Variants in ITGA1 observed in about 807,000 individuals in gnomAD.
ITGA1 encodes integrin subunit alpha 1.
Under a neutral mutation model 145.9 loss-of-function variants are expected in ITGA1, and 85 were observed. The ratio of observed to expected loss-of-function variants is 0.58; its 90% confidence interval spans 0.49 to 0.70. The LOEUF (loss-of-function observed/expected upper bound fraction) is 0.70, where lower values mean the gene tolerates loss of function less well. ITGA1 is among the 30% of genes least tolerant of loss of function. The pLI, the probability that ITGA1 is intolerant of heterozygous loss-of-function variation, is 0.00. For synonymous variants in ITGA1, 520 were observed against 495.3 expected, an observed-to-expected ratio of 1.05 and a Z score of -0.66; for missense variants, 1,351 against 1,418.7, an observed-to-expected ratio of 0.95 and a Z score of 0.77.
At position 52,801,776 on chromosome 5, in the gene ITGA1, T is replaced by G. The variant is rs763458425; in HGVS notation, c.61+13362T>G. 12 of 1,614,134 alleles carry G rather than the reference T, an allele frequency of 7.4e-6. No individual in the cohort carries two copies. The highest frequency in any genetic ancestry group is 3.3e-5 in the South Asian group (3 of 91,072). ...AGCCAGTTGACTGGGGTAGCTGCCATTCTCCGCTTCCCTGTTCCCGAACTT... is the reference window on the plus strand; with the variant it reads ...AGCCAGTTGACTGGGGTAGCTGCCAGTCTCCGCTTCCCTGTTCCCGAACTT... On this transcript the variant is annotated intron_variant, in intron 1 of 28. Transcript: ENST00000282588.
chr5:52,874,743 T>C (rs1749839002), intron 6 of ITGA1, among the ~76,000 whole-genome samples: 1 of 152,116 alleles, frequency 6.6e-6, no homozygotes. Flanking sequence ...ATCACTGAAA[T>C]GTTGTTCCTG....
chr5:52,896,883 ATACT>A (rs1486777304), intron 9 of ITGA1, among the ~76,000 whole-genome samples: 5 of 152,200 alleles, frequency 3.3e-5, no homozygotes, highest in Non-Finnish European at 7.3e-5. Context: ...TCTGTGAGTG[ATACT>A]TACCACCAGT....
At chr5:52,927,542 A>G in intron 19 of ITGA1, 42 bp from the exon 20 acceptor site, 1 of 1,370,798 alleles carries the variant, frequency 7.3e-7, no homozygotes, top group Non-Finnish European at 1.0e-6. Context: ...TCAATATTTC[A>G]CCTGCTTGTC....
rs1414952288 is a variant in ITGA1 at position 52,954,661 on chromosome 5, A to G, written c.*2210A>G. 6.6e-6 allele frequency: 1 copy of G among 152,132 alleles called. No homozygotes were observed. The highest frequency in any genetic ancestry group is 1.5e-5 in the Non-Finnish European group (1 of 68,004). 9.4% of individuals were successfully genotyped at this position (152,132 alleles called of 1,614,324 possible). On this transcript the variant is annotated 3_prime_UTR_variant, in exon 29 of 29. Coordinates refer to ENST00000282588, the MANE Select transcript of ITGA1 (RefSeq NM_181501.2). ...TGCATGTGCAGACACATGTACACAT[A>G]TAAATTGAATACAAAAATAGCTCTA...
chr5:52,947,588 G>T, intron 28 of ITGA1, 127 bp downstream of exon 28: 1 of 625,820 alleles, frequency 1.6e-6, no homozygotes, highest in Non-Finnish European at 2.8e-6. Context: ...TTGAAATGAT[G>T]ACTAAGGGAA....
chr5:52,875,466 C>T (rs928096235), intron 6 of ITGA1, among the ~76,000 whole-genome samples: 1 of 152,054 alleles, frequency 6.6e-6, no homozygotes, highest in African/African-American at 2.4e-5. Context: ...GTCTCTTTGG[C>T]CTTGGATTGT....
chr5:52,820,192 C>T (rs966921750), intron 1 of ITGA1, among the ~76,000 whole-genome samples: 1 of 151,740 alleles, frequency 6.6e-6, no homozygotes. Context: ...ACTATGCAGT[C>T]ATAAAAAATG....
intron 17 of ITGA1, among the ~76,000 whole-genome samples, chr5:52,922,504 G>C (rs1750746442): frequency 1.3e-5 from 2 of 152,134 alleles, no homozygotes; most frequent in South Asian, 4.1e-4. Flanking sequence ...ACACAGCCAA[G>C]TGTGATGTTG....
At chr5:52,844,405 A>G (rs1749303092) in intron 1 of ITGA1, among the ~76,000 whole-genome samples, 1 of 152,206 alleles carries the variant, frequency 6.6e-6, no homozygotes, top group Non-Finnish European at 1.5e-5. Context: ...GCTCATCCTC[A>G]TATCACTTTG....
At chr5:52,883,916 C>T (rs896216149) in intron 7 of ITGA1, among the ~76,000 whole-genome samples, 4 of 152,088 alleles carry the variant, frequency 2.6e-5, no homozygotes, top group African/African-American at 9.7e-5. Flanking sequence ...ATAAAGCCAG[C>T]CCTGAGTTTA....
chr5:52,934,658 A>C (rs1750939161), intron 23 of ITGA1, among the ~76,000 whole-genome samples: 1 of 151,970 alleles, frequency 6.6e-6, no homozygotes, highest in Admixed American at 6.6e-5. Context: ...CTAGTTACTG[A>C]CACAGACTCA....
chr5:52,888,193 G>A (rs1333668459), intron 8 of ITGA1, among the ~76,000 whole-genome samples: 4 of 151,798 alleles, frequency 2.6e-5, no homozygotes, highest in Non-Finnish European at 4.4e-5. Flanking sequence ...TGAAAGGAAG[G>A]AAGGAAGGAA....
intron 5 of ITGA1, 38 bp from the exon 6 acceptor site, chr5:52,865,652 T>C (rs765590285): frequency 2.3e-5 from 33 of 1,406,536 alleles, no homozygotes; most frequent in African/African-American, 3.6e-5. Flanking sequence ...CTGAAAAAAA[T>C]AGATTCCAAA....
chr5:52,819,421 G>T (rs1748831888), intron 1 of ITGA1, among the ~76,000 whole-genome samples: 2 of 152,134 alleles, frequency 1.3e-5, no homozygotes, highest in African/African-American at 4.8e-5. Context: ...TTTTTCATGT[G>T]TCTTTTGGCT....
At chr5:52,806,404 A>G (rs960987836) in intron 1 of ITGA1, among the ~76,000 whole-genome samples, 1 of 152,026 alleles carries the variant, frequency 6.6e-6, no homozygotes, top group Non-Finnish European at 1.5e-5. Context: ...AGGAGTTGCT[A>G]AATATGGTCA....
chr5:52,910,202 A>T lies in ITGA1; in HGVS notation c.1640A>T (p.Gln547Leu), dbSNP rs924939900. ...CAAATGAGCCTGGAACCTATTAAGC[A>T]GACGTGCTGTTCATCTCGGCAGCAC... ...EYQMSLEPIK[Q>L]TCCSSRQHNS... Residue 547 changes from glutamine to leucine, a missense_variant, in exon 14 of 29, where the codon CAG (glutamine) becomes CTG (leucine). Coordinates refer to ENST00000282588, the MANE Select transcript of ITGA1 (RefSeq NM_181501.2). 1 of 1,613,604 alleles carries T rather than the reference A, an allele frequency of 6.2e-7. No individual in the cohort carries two copies. The highest frequency in any genetic ancestry group is 2.2e-5 in the East Asian group (1 of 44,866).
At chr5:52,829,428 G>A (rs1749022102) in intron 1 of ITGA1, among the ~76,000 whole-genome samples, 1 of 152,110 alleles carries the variant, frequency 6.6e-6, no homozygotes, top group African/African-American at 2.4e-5. Context: ...TTAGAAAAAT[G>A]TGGTAGTCTA....
intron 1 of ITGA1, among the ~76,000 whole-genome samples, chr5:52,848,283 A>G (rs1263549823): frequency 6.6e-6 from 1 of 152,202 alleles, no homozygotes; most frequent in Admixed American, 6.5e-5. Context: ...CAAGGACAAC[A>G]TCTATTTTTA....
Position 52,871,514 on chromosome 5 carries a change from T to C in ITGA1, c.624+5697T>C, listed in dbSNP as rs576537103. Among the ~76,000 whole-genome samples the C allele has an allele frequency of 1.8e-4, 28 of 152,218 alleles. 1 individual carries two copies. In the South Asian group the frequency reaches 5.8e-3, roughly 32 times the overall value. ...TAGATTGAATATGATTCCTATTCTC[T>C]GCAGTCATAGATTTGTCATTTAGTA... On this transcript the variant is annotated intron_variant, in intron 6 of 28. Transcript: ENST00000282588.
Sources: gnomAD v4.1 joint callset for allele counts (sites outside exome capture counted in the v4.1 genomes callset) on GRCh38, gnomAD v4.1.1 for gene constraint, MANE v1.5 for transcripts, NCBI Gene and HGNC (gene_info 2026-07-23, HGNC 2026-07-21) for gene names.